Variants in ADAMTSL1 observed in about 807,000 individuals in gnomAD.
ADAMTSL1 encodes the protein ADAMTS-like protein 1.
ADAMTSL1 carries 126 observed loss-of-function variants against 201.8 expected under a neutral mutation model. The observed-to-expected ratio is 0.62, with a 90% CI of 0.54 to 0.72. The LOEUF is 0.72. Among genes scored for constraint, ADAMTSL1 ranks in the 30% least tolerant of loss-of-function variants. The probability of loss-of-function intolerance (pLI) is 0.00; values close to 1 mark genes in which losing one functional copy is unlikely to be tolerated. For synonymous variants in ADAMTSL1, 1,121 were observed against 903.4 expected (o/e 1.24, Z -4.32); for missense variants, 2,679 against 2,277.8 (o/e 1.18, Z -3.59).
chr9:18,591,862 T>C (rs1314712072), intron 4 of ADAMTSL1, among the ~76,000 whole-genome samples: 1 of 152,184 alleles, frequency 6.6e-6, no homozygotes, highest in African/African-American at 2.4e-5. Flanking sequence ...GTGGAGGCAT[T>C]TTCCCTGCAA....
intron 2 of ADAMTSL1, among the ~76,000 whole-genome samples, chr9:18,435,706 T>C (rs28489992): frequency 2.6e-5 from 4 of 152,166 alleles, no homozygotes; most frequent in African/African-American, 9.7e-5. Context: ...ATACCCAAGA[T>C]TGAGCAGGCC....
intron 1 of ADAMTSL1, among the ~76,000 whole-genome samples, chr9:18,036,816 T>C (rs987941379): frequency 2.0e-5 from 3 of 152,192 alleles, no homozygotes; most frequent in Non-Finnish European, 4.4e-5. Flanking sequence ...TGCTTTAAAC[T>C]TCCTCTTAAT....
intron 23 of ADAMTSL1, among the ~76,000 whole-genome samples, chr9:18,848,914 C>G (rs1395365969): frequency 6.6e-6 from 1 of 152,198 alleles, no homozygotes; most frequent in Non-Finnish European, 1.5e-5. Context: ...ATCAGCCTAT[C>G]TCAGATAAAC....
intron 2 of ADAMTSL1, among the ~76,000 whole-genome samples, chr9:18,406,340 T>TTTTCTTTTCTTTTC (rs1280290195): frequency 6.8e-5 from 10 of 147,184 alleles, no homozygotes; most frequent in Non-Finnish European, 1.3e-4. Flanking sequence ...TTTTCTTTTC[T>TTTTCTTTTCTTTTC]TTTTTTGACA....
chr9:18,260,364 C>T (rs1279183642), intron 2 of ADAMTSL1, among the ~76,000 whole-genome samples: 1 of 152,194 alleles, frequency 6.6e-6, no homozygotes, highest in Non-Finnish European at 1.5e-5. Context: ...AGCTAGAAGC[C>T]CATAAAGATT....
intron 2 of ADAMTSL1, among the ~76,000 whole-genome samples, chr9:18,523,500 A>G (rs899521754): frequency 3.3e-5 from 5 of 152,108 alleles, no homozygotes; most frequent in African/African-American, 7.2e-5. Flanking sequence ...GGTGTTTTAG[A>G]CATGAAGTCC....
intron 2 of ADAMTSL1, among the ~76,000 whole-genome samples, chr9:18,458,549 C>T (rs931304634): frequency 1.3e-5 from 2 of 152,086 alleles, no homozygotes; most frequent in African/African-American, 2.4e-5. Context: ...TCCTTCATGT[C>T]GAGTGTCAAA....
At chr9:18,839,873 GA>G (rs1455419701) in intron 23 of ADAMTSL1, among the ~76,000 whole-genome samples, 3 of 149,514 alleles carry the variant, frequency 2.0e-5, no homozygotes, top group Non-Finnish European at 4.5e-5. Context: ...CCCACTTTTG[GA>G]TGGGGTTCTT....
chr9:18,047,888 A>AG (rs1199688401), intron 1 of ADAMTSL1, among the ~76,000 whole-genome samples: 3 of 152,178 alleles, frequency 2.0e-5, no homozygotes, highest in Admixed American at 6.5e-5. Flanking sequence ...GGCAGTAGGG[A>AG]GGATTGCAGA....
intron 23 of ADAMTSL1, among the ~76,000 whole-genome samples, chr9:18,839,112 C>T (rs1374513791): frequency 1.8e-4 from 27 of 150,550 alleles, no homozygotes; most frequent in African/African-American, 6.1e-4. Context: ...TATACATGTG[C>T]CATGCTGGTG....
intron 2 of ADAMTSL1, among the ~76,000 whole-genome samples, chr9:18,224,864 A>G (rs555446363): frequency 3.7e-4 from 57 of 152,292 alleles, no homozygotes; most frequent in Admixed American, 3.2e-3. Flanking sequence ...ACAAGTTTAC[A>G]CAACCTTCTG....
At chr9:18,129,997 G>A (rs1265798285) in intron 1 of ADAMTSL1, among the ~76,000 whole-genome samples, 1 of 152,198 alleles carries the variant, frequency 6.6e-6, no homozygotes, top group Non-Finnish European at 1.5e-5. Flanking sequence ...CATGCACTGG[G>A]AGTCTTGGTG....
intron 3 of ADAMTSL1, among the ~76,000 whole-genome samples, chr9:18,538,988 C>T (rs1244400371): frequency 2.6e-5 from 4 of 152,122 alleles, no homozygotes; most frequent in African/African-American, 9.7e-5. Flanking sequence ...ATAATAACAA[C>T]TGCAAGAGTT....
At chr9:17,914,836 A>G (rs530707384) in intron 1 of ADAMTSL1, among the ~76,000 whole-genome samples, 2 of 152,146 alleles carry the variant, frequency 1.3e-5, no homozygotes, top group African/African-American at 4.8e-5. Flanking sequence ...TCAGGATACA[A>G]AATCAATGTA....
rs1442877292 is a variant in ADAMTSL1 at position 18,291,927 on chromosome 9, C to T, written c.207+127946C>T. ...TTTACGCTTTGCAGCCAATGTTGTT[C>T]ATGCAACATCTCATCAGCCATATTT... On this transcript the variant is annotated intron_variant, in intron 2 of 29. Transcript: ENST00000680146. Among the ~76,000 whole-genome samples the T allele has an allele frequency of 3.3e-5, 5 of 152,032 alleles. No homozygotes were observed. In the East Asian group the frequency reaches 9.7e-4, roughly 29 times the overall value.
At chr9:18,403,048 G>C (rs1017571298) in intron 2 of ADAMTSL1, among the ~76,000 whole-genome samples, 1 of 152,146 alleles carries the variant, frequency 6.6e-6, no homozygotes, top group African/African-American at 2.4e-5. Flanking sequence ...CTAGTAAATG[G>C]CAGAGCTGTG....
chr9:18,410,801 C>A (rs374660911), intron 2 of ADAMTSL1, among the ~76,000 whole-genome samples: 16 of 150,324 alleles, frequency 1.1e-4, no homozygotes, highest in African/African-American at 3.9e-4. Flanking sequence ...ATCTTTTAAT[C>A]TGTTAATGTA....
intron 14 of ADAMTSL1, among the ~76,000 whole-genome samples, chr9:18,720,487 A>G (rs1413629475): frequency 4.6e-5 from 7 of 152,222 alleles, no homozygotes; most frequent in African/African-American, 1.4e-4. Context: ...GCTCATTTAA[A>G]TGTCTCCACA....
chr9:18,198,980 A>G (rs1018615397), intron 2 of ADAMTSL1, among the ~76,000 whole-genome samples: 3 of 141,340 alleles, frequency 2.1e-5, no homozygotes, highest in African/African-American at 7.8e-5. Context: ...GACATTGGAA[A>G]TCATCATTCT....
Sources: gnomAD v4.1 joint callset for allele counts (sites outside exome capture counted in the v4.1 genomes callset) on GRCh38, gnomAD v4.1.1 for gene constraint, MANE v1.5 for transcripts, NCBI Gene and HGNC (gene_info 2026-07-23, HGNC 2026-07-21) for gene names.